The following PHF6 variants were observed in gnomAD, a reference collection of about 807,000 sequenced individuals.
PHF6 encodes PHD finger protein 6.
Under a neutral mutation model 34.0 loss-of-function variants are expected in PHF6, and 7 were observed. The observed-to-expected ratio is 0.21, with a 90% CI of 0.12 to 0.39. PHF6 has a LOEUF of 0.39. Among genes scored for constraint, PHF6 ranks in the 10% least tolerant of loss-of-function variants. The pLI, the probability that PHF6 is intolerant of heterozygous loss-of-function variation, is 1.00. For missense variants in PHF6, 128 were observed against 262.8 expected (o/e 0.49, Z 3.55); for synonymous variants, 89 against 88.4 (o/e 1.01, Z -0.04).
chrX:134,410,254 C>T (rs1172576709), intron 5 of PHF6, among the ~76,000 whole-genome samples: 1 of 111,950 alleles, frequency 8.9e-6, no homozygotes, highest in Non-Finnish European at 1.9e-5. Context: ...TACATTCCCA[C>T]CAACAGTGTA....
intron 7 of PHF6, among the ~76,000 whole-genome samples, chrX:134,414,241 A>G (rs751485498): frequency 9.0e-5 from 10 of 111,727 alleles, no homozygotes; most frequent in Non-Finnish European, 1.9e-4. Flanking sequence ...ATAATCTGTA[A>G]TTAATTATTT....
chrX:134,382,210 C>T (rs780288589), intron 3 of PHF6, among the ~76,000 whole-genome samples: 6 of 111,892 alleles, frequency 5.4e-5, no homozygotes, highest in African/African-American at 1.9e-4. Context: ...CTCCTTTACA[C>T]GGTCTTTAAT....
chrX:134,373,903 A>C (rs956479885), intron 1 of PHF6, among the ~76,000 whole-genome samples: 7 of 102,750 alleles, frequency 6.8e-5, no homozygotes, highest in Admixed American at 2.1e-4. Context: ...CTGAGGTATA[A>C]GGGGAAGCTT....
intron 5 of PHF6, among the ~76,000 whole-genome samples, chrX:134,399,838 T>C (rs942391047): frequency 9.0e-6 from 1 of 111,229 alleles, no homozygotes; most frequent in African/African-American, 3.3e-5. Flanking sequence ...GTACATGCTA[T>C]GGGTTTTGAC....
At chrX:134,403,152 G>C (rs1013349009) in intron 5 of PHF6, among the ~76,000 whole-genome samples, 1 of 112,349 alleles carries the variant, frequency 8.9e-6, no homozygotes, top group African/African-American at 3.2e-5. Context: ...TAGTGAGGAA[G>C]GCATGTCGAA....
chrX:134,421,452 ATAT>A (rs1406287202), intron 9 of PHF6, among the ~76,000 whole-genome samples: 1 of 112,295 alleles, frequency 8.9e-6, no homozygotes, highest in Middle Eastern at 4.2e-3. Context: ...CATGAGAAGT[ATAT>A]TATTATTAAA....
intron 5 of PHF6, among the ~76,000 whole-genome samples, chrX:134,405,928 C>T (rs890193358): frequency 3.7e-5 from 4 of 109,168 alleles, no homozygotes; most frequent in African/African-American, 1.3e-4. Context: ...TCCGCACATA[C>T]AGAGTAAATG....
Position 134,415,134 on chromosome X carries a change from A to G in PHF6, c.834+14A>G, listed in dbSNP as rs759933988. The G allele has an allele frequency of 8.3e-7, 1 of 1,207,062 alleles. No homozygotes were observed. The highest frequency in any genetic ancestry group is 1.1e-6 in the Non-Finnish European group (1 of 891,741). On this transcript the variant is annotated intron_variant, in intron 8 of 10. Coordinates refer to ENST00000370803, the MANE Select transcript of PHF6 (RefSeq NM_001015877.2). ...GGAAAAAGAATGGTCTGTAGTTTTT[A>G]TATTTGTTATGCAACATTACACTTG...
At chrX:134,399,658 CACACACACACAG>C (rs1287619057) in intron 5 of PHF6, among the ~76,000 whole-genome samples, 6 of 108,327 alleles carry the variant, frequency 5.5e-5, no homozygotes, top group African/African-American at 1.0e-4. Flanking sequence ...AACATACACA[CACACACACACAG>C]ACACACACAC....
intron 5 of PHF6, among the ~76,000 whole-genome samples, chrX:134,404,871 T>C (rs1399508594): frequency 1.8e-5 from 2 of 112,061 alleles, no homozygotes; most frequent in Non-Finnish European, 3.8e-5. Flanking sequence ...TACCCTTTTT[T>C]TATACATAAT....
intron 3 of PHF6, among the ~76,000 whole-genome samples, chrX:134,386,641 C>T (rs1324792219): frequency 1.8e-5 from 2 of 111,136 alleles, no homozygotes; most frequent in African/African-American, 3.3e-5. Context: ...TGGTCTCGAT[C>T]TCCTGACCTT....
intron 5 of PHF6, among the ~76,000 whole-genome samples, chrX:134,398,322 C>T (rs2077386202): frequency 9.0e-6 from 1 of 111,703 alleles, no homozygotes; most frequent in African/African-American, 3.3e-5. Context: ...CCCAGAATTT[C>T]AAGGCTGCAG....
At chrX:134,390,620 TAG>T (rs1388442423) in intron 3 of PHF6, among the ~76,000 whole-genome samples, 1 of 112,356 alleles carries the variant, frequency 8.9e-6, no homozygotes, top group Non-Finnish European at 1.9e-5. Context: ...AAGCATTTAC[TAG>T]AGTTTTCCTA....
At chrX:134,399,634 G>A (rs908520238) in intron 5 of PHF6, among the ~76,000 whole-genome samples, 2 of 106,430 alleles carry the variant, frequency 1.9e-5, no homozygotes, top group Non-Finnish European at 1.9e-5. Context: ...TATATCTCCT[G>A]TTCCCCAACC....
intron 5 of PHF6, among the ~76,000 whole-genome samples, chrX:134,401,453 CAT>C (rs2077402353): frequency 9.0e-6 from 1 of 111,177 alleles, no homozygotes; most frequent in Non-Finnish European, 1.9e-5. Flanking sequence ...TGGGGGAGGA[CAT>C]AATTAAGTGA....
intron 3 of PHF6, among the ~76,000 whole-genome samples, chrX:134,379,789 T>C (rs949647391): frequency 9.0e-6 from 1 of 111,587 alleles, no homozygotes; most frequent in Non-Finnish European, 1.9e-5. Context: ...TGGTTTTAGG[T>C]TTCTTCACGT....
chrX:134,405,414 G>A (rs2124236687), intron 5 of PHF6, among the ~76,000 whole-genome samples: 1 of 111,192 alleles, frequency 9.0e-6, no homozygotes, highest in African/African-American at 3.3e-5. Context: ...GGCCAGGCTG[G>A]TCTCAAACTC....
chrX:134,405,645 A>G (rs995945911), intron 5 of PHF6, among the ~76,000 whole-genome samples: 3 of 111,121 alleles, frequency 2.7e-5, no homozygotes, highest in African/African-American at 9.8e-5. Flanking sequence ...ATAACGTTTC[A>G]TCTTTACCCC....
chrX:134,405,861 A>T (rs955089528), intron 5 of PHF6, among the ~76,000 whole-genome samples: 5 of 107,853 alleles, frequency 4.6e-5, no homozygotes, highest in Non-Finnish European at 9.5e-5. Context: ...TAAATGATTT[A>T]TATATATATA....
Sources: allele counts gnomAD v4.1 joint callset (sites outside exome capture counted in the v4.1 genomes callset), GRCh38; gene constraint gnomAD v4.1.1; transcripts MANE v1.5; gene names NCBI Gene and HGNC (gene_info 2026-07-23, HGNC 2026-07-21).